The following ZFHX3 variants were observed in gnomAD, a reference collection of about 807,000 sequenced individuals.
ZFHX3 encodes the protein zinc finger homeobox 3.
Under a neutral mutation model 279.1 loss-of-function variants are expected in ZFHX3, and 42 were observed. That is an observed-to-expected ratio of 0.15 (90% CI 0.12 to 0.19). The LOEUF is 0.19. Ranked by LOEUF, ZFHX3 falls within the 10% of genes least tolerant of loss-of-function variation. ZFHX3 has a pLI of 1.00. For synonymous variants in ZFHX3, 2,293 were observed against 1,957.8 expected, an observed-to-expected ratio of 1.17 and a Z score of -4.52; for missense variants, 4,981 against 4,754.0, an observed-to-expected ratio of 1.05 and a Z score of -1.40.
At chr16:73,499,916 G>C (rs944745152) in intron 2 of ZFHX3, 1 of 152,180 alleles carries the variant, frequency 6.6e-6, no homozygotes, top group Non-Finnish European at 1.5e-5. Context: ...CTACTCATGT[G>C]TCTGTGATGT....
At chr16:73,787,093 A>C (rs935202522) in intron 1 of ZFHX3, among the ~76,000 whole-genome samples, 3 of 152,102 alleles carry the variant, frequency 2.0e-5, no homozygotes, top group Non-Finnish European at 4.4e-5. Context: ...TTCATACTTT[A>C]ACTGTCATTT....
intron 8 of ZFHX3, among the ~76,000 whole-genome samples, chr16:73,078,577 G>C (rs1567658510): frequency 6.6e-6 from 1 of 151,898 alleles, no homozygotes; most frequent in Non-Finnish European, 1.5e-5. Context: ...CCTAGCCCAG[G>C]TTACCCCCAG....
rs796793033 is a variant in ZFHX3 at position 73,874,014 on chromosome 16, A to G, written c.-1608+17637T>C. Among the ~76,000 whole-genome samples, 3 of 152,194 alleles carry G rather than the reference A, an allele frequency of 2.0e-5. No homozygotes were observed. In the South Asian group the frequency reaches 6.2e-4, roughly 32 times the overall value. ...AAACAAAGGTATTGCTACTGAAAAC[A>G]GTCAGCCTTTTCTCTTCAATATCTC... On this transcript the variant is annotated intron_variant, in intron 1 of 17. Transcript: ENST00000641206.
At chr16:73,881,344 C>T (rs1333496560) in intron 1 of ZFHX3, among the ~76,000 whole-genome samples, 2 of 151,858 alleles carry the variant, frequency 1.3e-5, no homozygotes, top group African/African-American at 2.4e-5. Context: ...TCAGGTTTAC[C>T]TAAACTAAGT....
chr16:73,384,271 T>C (rs2016862341), intron 3 of ZFHX3, among the ~76,000 whole-genome samples: 2 of 152,232 alleles, frequency 1.3e-5, no homozygotes, highest in South Asian at 4.1e-4. Context: ...CTGTTAACAG[T>C]AGGCCAGCTT....
chr16:73,700,877 C>T (rs1048266956), intron 1 of ZFHX3, among the ~76,000 whole-genome samples: 1 of 152,250 alleles, frequency 6.6e-6, no homozygotes, highest in South Asian at 2.1e-4. Flanking sequence ...CTCAAAACAC[C>T]AGCTGAATTG....
chr16:73,050,991 C>A (rs1300850359), upstream of ZFHX3, among the ~76,000 whole-genome samples: 1 of 152,164 alleles, frequency 6.6e-6, no homozygotes, highest in Non-Finnish European at 1.5e-5. Flanking sequence ...CGAGCCAAAC[C>A]TGCTTGTCTC....
At chr16:73,707,441 G>C (rs2053315233) in intron 1 of ZFHX3, among the ~76,000 whole-genome samples, 1 of 151,898 alleles carries the variant, frequency 6.6e-6, no homozygotes, top group Non-Finnish European at 1.5e-5. Flanking sequence ...CATTAAGTAG[G>C]GACATGGATG....
chr16:73,189,188 A>G (rs1269644290), intron 5 of ZFHX3, among the ~76,000 whole-genome samples: 1 of 152,164 alleles, frequency 6.6e-6, no homozygotes, highest in African/African-American at 2.4e-5. Flanking sequence ...AAGAGGCAGT[A>G]TGTTATCCTG....
chr16:73,140,176 G>A lies in ZFHX3; in HGVS notation c.-1024+3576C>T, dbSNP rs1194934825. Among the ~76,000 whole-genome samples the A allele has an allele frequency of 2.0e-5, 3 of 152,130 alleles. No homozygotes were observed. The East Asian group carries it at 5.8e-4, about 29-fold the overall frequency. ...CCAGCTACTTGGGAGGCCGAGTTGG[G>A]AAGGATTGCTTAAGTTTGAGGCTGC... On this transcript the variant is annotated intron_variant, in intron 6 of 17. Transcript: ENST00000641206.
chr16:72,950,751 C>G lies in ZFHX3; in HGVS notation c.2934G>C (p.Ala978=). 1.2e-6 allele frequency: 2 copies of G among 1,614,216 alleles called. No homozygotes were observed. Among genetic ancestry groups the G allele is most frequent in the South Asian group, 1.1e-5 (1 of 91,080 alleles). Residue 978 remains alanine, a synonymous_variant, in exon 3 of 10, where the codon GCG becomes GCC. Transcript: ENST00000268489. ...TGCACTGGTATGAGTCCCCCATCACCGCCTTCCACTCGTCCTCCGACAGGC... is the reference window on the plus strand; with the variant it reads ...TGCACTGGTATGAGTCCCCCATCACGGCCTTCCACTCGTCCTCCGACAGGC... ...ERSLSEDEWK[A]VMGDSYQCKL...
intron 2 of ZFHX3, among the ~76,000 whole-genome samples, chr16:73,475,838 A>G (rs2143613778): frequency 6.6e-6 from 1 of 152,214 alleles, no homozygotes; most frequent in African/African-American, 2.4e-5. Flanking sequence ...TTTACCTCCC[A>G]AGCACTTTGG....
intron 3 of ZFHX3, among the ~76,000 whole-genome samples, chr16:73,425,348 C>T (rs1357495260): frequency 1.3e-5 from 2 of 152,202 alleles, no homozygotes; most frequent in Non-Finnish European, 2.9e-5. Context: ...GAAATACATA[C>T]ATAGGTACCT....
chr16:73,119,060 C>A (rs1966464638), intron 7 of ZFHX3, among the ~76,000 whole-genome samples: 1 of 152,052 alleles, frequency 6.6e-6, no homozygotes, highest in Non-Finnish European at 1.5e-5. Context: ...TTTCAGGAAT[C>A]CTACTTGAAA....
chr16:73,824,001 T>G (rs1430994434), intron 1 of ZFHX3, among the ~76,000 whole-genome samples: 1 of 152,178 alleles, frequency 6.6e-6, no homozygotes, highest in African/African-American at 2.4e-5. Context: ...CCAGGAAAGT[T>G]GATGGAACCT....
At chr16:73,862,864 T>G (rs1961918770) in intron 1 of ZFHX3, among the ~76,000 whole-genome samples, 3 of 152,090 alleles carry the variant, frequency 2.0e-5, no homozygotes, top group Non-Finnish European at 4.4e-5. Context: ...TCATACAACT[T>G]TAGAGTAAGT....
At chr16:73,547,537 G>C (rs2020139996) in intron 2 of ZFHX3, among the ~76,000 whole-genome samples, 1 of 152,110 alleles carries the variant, frequency 6.6e-6, no homozygotes, top group Non-Finnish European at 1.5e-5. Flanking sequence ...GCTAATCCTA[G>C]AACTAGGTTT....
At chr16:72,951,030 AC>A (rs918097623) in intron 2 of ZFHX3, 65 bp from the exon 3 acceptor site, 231 of 1,558,896 alleles carry the variant, frequency 1.5e-4, no homozygotes, top group Middle Eastern at 1.9e-4. Flanking sequence ...CAGCTGAGGC[AC>A]CCCCCAGCCC....
intron 1 of ZFHX3, among the ~76,000 whole-genome samples, chr16:73,862,973 G>C (rs1197320138): frequency 7.2e-6 from 1 of 138,384 alleles, no homozygotes; most frequent in East Asian, 2.1e-4. Context: ...AGCACTTTGG[G>C]AGGCTGAGGT....
Sources: allele counts gnomAD v4.1 joint callset (sites outside exome capture counted in the v4.1 genomes callset), GRCh38; gene constraint gnomAD v4.1.1; transcripts MANE v1.5; gene names NCBI Gene and HGNC (gene_info 2026-07-23, HGNC 2026-07-21).